The following TEX2 variants were observed in gnomAD, a reference collection of about 807,000 sequenced individuals.
TEX2 encodes testis expressed 2, also known as testis-expressed protein 2.
A neutral mutation model predicts 106.9 loss-of-function variants in TEX2; 53 were observed. That is an observed-to-expected ratio of 0.50 (90% CI 0.40 to 0.62). The LOEUF (loss-of-function observed/expected upper bound fraction) is 0.62. Among genes scored for constraint, TEX2 ranks in the 20% least tolerant of loss-of-function variants. The pLI is 0.00. For synonymous variants in TEX2, 523 were observed against 534.8 expected, an observed-to-expected ratio of 0.98 and a Z score of 0.30; for missense variants, 1,207 against 1,379.0, an observed-to-expected ratio of 0.88 and a Z score of 1.98.
chr17:64,200,539 T>C (rs2032625796), intron 2 of TEX2, among the ~76,000 whole-genome samples: 1 of 152,228 alleles, frequency 6.6e-6, no homozygotes, highest in South Asian at 2.1e-4. Context: ...AGTTCTGAGA[T>C]GAGTATGCAA....
At chr17:64,163,190 T>C (rs1395463507) in intron 7 of TEX2, among the ~76,000 whole-genome samples, 1 of 152,146 alleles carries the variant, frequency 6.6e-6, no homozygotes, top group South Asian at 2.1e-4. Context: ...CCTGGTACGA[T>C]CTTGGCTGAC....
At chr17:64,188,709 G>A (rs1240311125) in intron 4 of TEX2, among the ~76,000 whole-genome samples, 9 of 151,732 alleles carry the variant, frequency 5.9e-5, no homozygotes, top group Non-Finnish European at 1.2e-4. Context: ...TCAGCTACTC[G>A]GGAGGCTGAG....
At chr17:64,210,504 T>C (rs1042115187) in intron 2 of TEX2, among the ~76,000 whole-genome samples, 1 of 152,026 alleles carries the variant, frequency 6.6e-6, no homozygotes, top group African/African-American at 2.4e-5. Flanking sequence ...GATCAAAAAA[T>C]TTTTTTTCTT....
chr17:64,197,160 C>T (rs2032501664), intron 2 of TEX2, among the ~76,000 whole-genome samples: 1 of 151,650 alleles, frequency 6.6e-6, no homozygotes, highest in African/African-American at 2.4e-5. Flanking sequence ...GAAGTGTTCC[C>T]TCTTCTCTAT....
intron 1 of TEX2, among the ~76,000 whole-genome samples, chr17:64,234,890 T>G (rs1043572478): frequency 4.6e-5 from 7 of 152,186 alleles, no homozygotes; most frequent in African/African-American, 1.7e-4. Flanking sequence ...AAAATACAGG[T>G]ATTTTTTTTT....
chr17:64,191,338 T>C (rs2032288034), intron 4 of TEX2, among the ~76,000 whole-genome samples: 1 of 152,174 alleles, frequency 6.6e-6, no homozygotes. Flanking sequence ...ATAACATGCC[T>C]CTTTTGAAGG....
chr17:64,225,128 A>G lies in TEX2; in HGVS notation c.-25-10886T>C, dbSNP rs193000663. 3.4e-4 allele frequency among the ~76,000 whole-genome samples: 51 copies of G among 152,008 alleles called. 2 individuals carry two copies. In the East Asian group the frequency reaches 8.9e-3, roughly 26 times the overall value. ...TTTTTTTAAAGCAGAAAAGTCATCT[A>G]TGTGTCTTAGAAGGAGGATATGCAG... On this transcript the variant is annotated intron_variant, in intron 1 of 11. Coordinates refer to ENST00000584379, the MANE Select transcript of TEX2 (RefSeq NM_001288732.2).
At chr17:64,253,904 T>C (rs2034137895) in intron 1 of TEX2, among the ~76,000 whole-genome samples, 1 of 152,230 alleles carries the variant, frequency 6.6e-6, no homozygotes, top group Non-Finnish European at 1.5e-5. Context: ...AACACATTTA[T>C]CAAGCATCTA....
chr17:64,159,593 T>G (rs1236739432), intron 8 of TEX2, among the ~76,000 whole-genome samples: 2 of 152,158 alleles, frequency 1.3e-5, no homozygotes, highest in Admixed American at 1.3e-4. Context: ...TCCAAGAACG[T>G]GATGAAAAGA....
intron 1 of TEX2, among the ~76,000 whole-genome samples, chr17:64,228,212 G>C (rs1188742734): frequency 6.6e-6 from 1 of 152,110 alleles, no homozygotes; most frequent in Non-Finnish European, 1.5e-5. Context: ...AACAGATGTA[G>C]AGGAAAAGTG....
intron 9 of TEX2, among the ~76,000 whole-genome samples, chr17:64,154,426 G>A (rs1235839003): frequency 1.3e-5 from 2 of 152,144 alleles, no homozygotes; most frequent in African/African-American, 2.4e-5. Context: ...TTCAAAACTC[G>A]CCAAAGAAAA....
rs782565942 is a variant in TEX2, at chr17:64,217,040, G to A, written c.-25-2798C>T. ...TTACTAAAATAAGCCACACGAGGCC[G>A]GAGCATCACTACTGCTCTTTAAATA... On this transcript the variant is annotated intron_variant, in intron 1 of 11. Transcript: ENST00000584379. The surrounding 1 kb of genome is among the most constrained non-coding windows in gnomAD (Gnocchi z 4.3). Among the ~76,000 whole-genome samples the A allele has an allele frequency of 1.2e-4, 19 of 152,288 alleles. No homozygotes were observed. The highest frequency in any genetic ancestry group is 3.4e-3 in the Middle Eastern group (1 of 294).
In TEX2 at chr17:64,167,083, G is replaced by T. The variant is rs961774082; in HGVS notation, c.2671+4017C>A. Among the ~76,000 whole-genome samples the T allele has an allele frequency of 4.5e-4, 69 of 152,324 alleles. 1 individual carries two copies. The highest frequency in any genetic ancestry group is 1.6e-3 in the African/African-American group (68 of 41,566). On this transcript the variant is annotated intron_variant, in intron 7 of 11. Coordinates refer to ENST00000584379, the MANE Select transcript of TEX2 (RefSeq NM_001288732.2). ...AGGGACACAGCTTGCCTATCGTCCA[G>T]CCATCTGCCTTTGGTGGGAAGTGAG... is the stretch of plus-strand genomic sequence containing the variant.
intron 4 of TEX2, among the ~76,000 whole-genome samples, chr17:64,189,789 C>T (rs1380171294): frequency 1.3e-5 from 2 of 152,026 alleles, no homozygotes; most frequent in African/African-American, 4.8e-5. Flanking sequence ...CGAGACCAGC[C>T]TGGCCGACAT....
At chr17:64,200,556 T>A (rs782287216) in intron 2 of TEX2, among the ~76,000 whole-genome samples, 2 of 152,202 alleles carry the variant, frequency 1.3e-5, no homozygotes, top group Non-Finnish European at 2.9e-5. Flanking sequence ...GCAATTACCT[T>A]CTTTGCTGAC....
chr17:64,174,423 A>G (rs1223909072), intron 6 of TEX2, among the ~76,000 whole-genome samples: 4 of 152,146 alleles, frequency 2.6e-5, no homozygotes, highest in African/African-American at 4.8e-5. Context: ...CTGGTTTCCT[A>G]TTTATTTGCC....
intron 2 of TEX2, among the ~76,000 whole-genome samples, chr17:64,204,237 A>G (rs1567939143): frequency 6.6e-6 from 1 of 152,246 alleles, no homozygotes; most frequent in South Asian, 2.1e-4. Flanking sequence ...GTCCCAATAT[A>G]TACAGCTTTT....
Position 64,213,184 on chromosome 17 carries a change from C to G in TEX2, c.1034G>C (p.Ser345Thr), listed in dbSNP as rs2033063207. The G allele has an allele frequency of 1.9e-6, 3 of 1,614,024 alleles. No homozygotes were observed. Among genetic ancestry groups the G allele is most frequent in the Non-Finnish European group, 2.5e-6 (3 of 1,180,042 alleles). Residue 345 changes from serine to threonine, a missense_variant, in exon 2 of 12, where the codon AGC (serine) becomes ACC (threonine). Coordinates refer to ENST00000584379, the MANE Select transcript of TEX2 (RefSeq NM_001288732.2). This position sits in a 1 kb window ranked among gnomAD's most constrained non-coding sequence, Gnocchi z 4.4. ...NGHLESNNNY[S>T]IKEEECDSEG... ...AGAATCACACTCCTCCTCCTTGATG[C>G]TGTAGTTGTTATTGCTTTCCAAGTG...
chr17:64,223,146 C>T (rs1434139591), intron 1 of TEX2, among the ~76,000 whole-genome samples: 4 of 152,100 alleles, frequency 2.6e-5, no homozygotes, highest in Admixed American at 1.3e-4. Flanking sequence ...GAGCCAACTG[C>T]GCTCTGTGTC....
Sources: gnomAD v4.1 joint callset for allele counts (sites outside exome capture counted in the v4.1 genomes callset) on GRCh38, gnomAD v4.1.1 for gene constraint, Gnocchi (gnomAD v3.1) non-coding constraint, MANE v1.5 for transcripts, NCBI Gene and HGNC (gene_info 2026-07-23, HGNC 2026-07-21) for gene names.